CCDC38: variants seen among roughly 807,000 people sequenced by gnomAD.
CCDC38 encodes coiled-coil domain-containing protein 38.
In CCDC38, 69 loss-of-function variants were observed where a neutral mutation model predicts 72.8. That is an observed-to-expected ratio of 0.95 (90% confidence interval 0.78 to 1.16). The LOEUF (loss-of-function observed/expected upper bound fraction) is 1.16. CCDC38 is among the 50% of genes most tolerant of loss of function. The pLI is 0.00. For synonymous variants in CCDC38, 201 were observed against 213.2 expected (o/e 0.94, Z 0.50); for missense variants, 626 against 638.9 (o/e 0.98, Z 0.22).
At chr12:95,923,622 A>G (rs2080233693) in intron 2 of CCDC38, among the ~76,000 whole-genome samples, 2 of 152,010 alleles carry the variant, frequency 1.3e-5, no homozygotes, top group African/African-American at 2.4e-5. Context: ...TACATGTGCC[A>G]TGCTGGTGTG....
chr12:95,881,544 T>G lies in CCDC38; in HGVS notation c.931A>C (p.Ser311Arg), dbSNP rs2079700309. Residue 311 changes from serine (S) to arginine (R), a missense_variant, in exon 11 of 16, where the codon AGT becomes CGT. Coordinates refer to ENST00000344280, the MANE Select transcript of CCDC38 (RefSeq NM_182496.3). ...PEKKKSNLAE[S>R]FGSEDSLEFL... ...TCCAAACTGTCTTCTGAACCGAAAC[T>G]TTCAGCCAGGCTGTAAAAGAAAAAA... is the stretch of plus-strand genomic sequence containing the variant. 1.2e-6 allele frequency: 2 copies of G among 1,608,694 alleles called. No homozygotes were observed. Among genetic ancestry groups the G allele is most frequent in the South Asian group, 1.1e-5 (1 of 90,126 alleles).
intron 5 of CCDC38, among the ~76,000 whole-genome samples, chr12:95,905,125 T>G (rs994513574): frequency 6.6e-6 from 1 of 152,252 alleles, no homozygotes; most frequent in Non-Finnish European, 1.5e-5. Flanking sequence ...AAATGCTATA[T>G]ATAAATAGTT....
At chr12:95,876,828 A>T (rs989066183) in intron 13 of CCDC38, among the ~76,000 whole-genome samples, 1 of 152,176 alleles carries the variant, frequency 6.6e-6, no homozygotes, top group Admixed American at 6.5e-5. Flanking sequence ...GTTCATATCC[A>T]TAAATGTGAT....
intron 11 of CCDC38, 106 bp downstream of exon 11, chr12:95,881,379 G>T: frequency 2.5e-6 from 2 of 792,228 alleles, no homozygotes; most frequent in Non-Finnish European, 4.0e-6. Context: ...TTTCTGGAAG[G>T]TTTGTGCAAT....
chr12:95,913,307 G>T (rs981485940), intron 4 of CCDC38, among the ~76,000 whole-genome samples: 5 of 152,204 alleles, frequency 3.3e-5, no homozygotes, highest in African/African-American at 1.2e-4. Flanking sequence ...AATATTTGCT[G>T]CCCCTCTCTG....
At position 95,879,873 on chromosome 12, in the gene CCDC38, A is replaced by G; in HGVS notation, c.991-78T>C. On this transcript the variant is annotated intron_variant, in intron 11 of 15. Coordinates refer to ENST00000344280, the MANE Select transcript of CCDC38 (RefSeq NM_182496.3). This position sits in a 1 kb window ranked among gnomAD's most constrained non-coding sequence, Gnocchi z 5.5. ...CACATGTGACTTATCTAGAAAATACAGTGGGGTAAAGGAAGACAGTTCTAA... is the reference window on the plus strand; with the variant it reads ...CACATGTGACTTATCTAGAAAATACGGTGGGGTAAAGGAAGACAGTTCTAA... 9.1e-7 allele frequency: 1 copy of G among 1,095,916 alleles called. No homozygotes were observed. The highest frequency in any genetic ancestry group is 1.3e-6 in the Non-Finnish European group (1 of 764,828). The allele number at this position is 1,095,916 out of a possible 1,614,324, so 67.9% of individuals were successfully genotyped here.
rs372470474 is a variant in CCDC38 at position 95,912,231 on chromosome 12, G to A, written c.304+4898C>T. 4.5e-4 allele frequency among the ~76,000 whole-genome samples: 69 copies of A among 152,314 alleles called. 1 individual carries two copies. The South Asian group carries it at 0.012, about 27-fold the overall frequency. On this transcript the variant is annotated intron_variant, in intron 4 of 15. Transcript: ENST00000344280. Reference sequence around the variant, plus strand: ...GCCTCCTAAAGCAGGGAGGGAGGGAGAGGAGCAAGGGTTGAAAAACTTCCT... The same window carrying A: ...GCCTCCTAAAGCAGGGAGGGAGGGAAAGGAGCAAGGGTTGAAAAACTTCCT...
At chr12:95,918,453 C>T (rs1243304087) in intron 3 of CCDC38, among the ~76,000 whole-genome samples, 5 of 152,170 alleles carry the variant, frequency 3.3e-5, no homozygotes, top group African/African-American at 1.2e-4. Context: ...TTCTTTGGCA[C>T]GCCTCTGTTA....
chr12:95,920,053 TA>T (rs2080187865), intron 2 of CCDC38, among the ~76,000 whole-genome samples: 1 of 152,234 alleles, frequency 6.6e-6, no homozygotes, highest in Non-Finnish European at 1.5e-5. Flanking sequence ...AGAGCAGTAT[TA>T]TTTTTAATAG....
chr12:95,869,429 T>G (rs757459238), intron 15 of CCDC38, 51 bp downstream of exon 15: 2 of 1,348,098 alleles, frequency 1.5e-6, no homozygotes, highest in Non-Finnish European at 2.1e-6. Context: ...TTTGTTTTTG[T>G]ATTTTGTATC....
intron 12 of CCDC38, 79 bp from the exon 13 acceptor site, chr12:95,878,425 C>G: frequency 7.3e-7 from 1 of 1,377,740 alleles, no homozygotes; most frequent in Non-Finnish European, 1.0e-6. Context: ...CTTTAACACT[C>G]TAGATCATGT....
intron 2 of CCDC38, among the ~76,000 whole-genome samples, chr12:95,920,613 T>A (rs2136723379): frequency 6.6e-6 from 1 of 152,288 alleles, no homozygotes; most frequent in East Asian, 1.9e-4. Context: ...GGACCACACA[T>A]TATATGATTC....
chr12:95,930,772 T>G (rs2080329052), intron 2 of CCDC38, among the ~76,000 whole-genome samples: 1 of 152,196 alleles, frequency 6.6e-6, no homozygotes, highest in African/African-American at 2.4e-5. Context: ...AGTCTCATTC[T>G]ACCAGCTCTT....
chr12:95,883,768 A>G (rs2079727188), intron 10 of CCDC38, among the ~76,000 whole-genome samples: 1 of 152,324 alleles, frequency 6.6e-6, no homozygotes, highest in Middle Eastern at 3.4e-3. Flanking sequence ...GGCACTCAAT[A>G]AGTATTTGTT....
intron 4 of CCDC38, among the ~76,000 whole-genome samples, chr12:95,910,850 T>C (rs2080085939): frequency 6.6e-6 from 1 of 152,006 alleles, no homozygotes; most frequent in Non-Finnish European, 1.5e-5. Context: ...GGGGACAGAG[T>C]AAGACACTGT....
intron 2 of CCDC38, among the ~76,000 whole-genome samples, chr12:95,926,930 T>G (rs1036082123): frequency 1.3e-3 from 200 of 152,230 alleles, no homozygotes; most frequent in Admixed American, 2.7e-3. Context: ...TTTCTGTTCT[T>G]TTACATTTGC....
rs1206179411 is a variant in CCDC38 at position 95,879,701 on chromosome 12, T to C, written c.1085A>G (p.Asp362Gly). ...QNLTLFQYSQ[D>G]VDENLEEVNK... ...TACCTCTTCAAGATTTTCATCTACATCTTGGGAATATTGAAACAAAGTAAG... is the reference window on the plus strand; with the variant it reads ...TACCTCTTCAAGATTTTCATCTACACCTTGGGAATATTGAAACAAAGTAAG... The change falls in exon 12 of 16, where the codon GAT becomes GGT. Residue 362 changes from aspartate (D) to glycine (G), a missense_variant. By Grantham distance (94) the Asp-to-Gly change is moderately conservative. Coordinates refer to ENST00000344280, the MANE Select transcript of CCDC38 (RefSeq NM_182496.3). The surrounding 1 kb of genome is among the most constrained non-coding windows in gnomAD (Gnocchi z 5.5). 1.9e-6 allele frequency: 3 copies of C among 1,608,738 alleles called. No individual in the cohort carries two copies. The highest frequency in any genetic ancestry group is 2.6e-6 in the Non-Finnish European group (3 of 1,175,326).
intron 3 of CCDC38, among the ~76,000 whole-genome samples, chr12:95,918,532 T>A (rs1451781828): frequency 6.6e-6 from 1 of 152,232 alleles, no homozygotes; most frequent in South Asian, 2.1e-4. Context: ...GGGCCAGTGA[T>A]GTATGACATC....
At chr12:95,881,244 A>T (rs1437505999) in intron 11 of CCDC38, among the ~76,000 whole-genome samples, 1 of 148,774 alleles carries the variant, frequency 6.7e-6, no homozygotes, top group Non-Finnish European at 1.5e-5. Context: ...ATATATTTTT[A>T]TATATATATA....
Sources: gnomAD v4.1 joint callset for allele counts (sites outside exome capture counted in the v4.1 genomes callset) on GRCh38, gnomAD v4.1.1 for gene constraint, Gnocchi (gnomAD v3.1) non-coding constraint, MANE v1.5 for transcripts, NCBI Gene and HGNC (gene_info 2026-07-23, HGNC 2026-07-21) for gene names.